Variants in CEP350 observed in about 807,000 individuals in gnomAD.
CEP350 encodes centrosome-associated protein 350.
A neutral mutation model predicts 331.8 loss-of-function variants in CEP350; 126 were observed. That is an observed-to-expected ratio of 0.38 (90% CI 0.33 to 0.44). The LOEUF is 0.44. Ranked by LOEUF, CEP350 falls within the 20% of genes least tolerant of loss-of-function variation. The pLI is 1.00. For missense variants in CEP350, 3,406 were observed against 3,634.6 expected, an observed-to-expected ratio of 0.94 and a Z score of 1.62; for synonymous variants, 1,200 against 1,259.5, an observed-to-expected ratio of 0.95 and a Z score of 1.00.
At chr1:180,025,086 A>G in intron 14 of CEP350, among the ~76,000 whole-genome samples, 1 of 151,952 alleles carries the variant, frequency 6.6e-6, no homozygotes, top group Non-Finnish European at 1.5e-5. Flanking sequence ...CACCGCACCC[A>G]GCTAATTTTT....
At chr1:179,987,840 T>G (rs1349900733) in intron 3 of CEP350, among the ~76,000 whole-genome samples, 1 of 151,900 alleles carries the variant, frequency 6.6e-6, no homozygotes, top group East Asian at 1.9e-4. Flanking sequence ...GCAGGAGGAT[T>G]GCTTGAGCCC....
chr1:180,082,070 G>A (rs1659605073), intron 30 of CEP350, among the ~76,000 whole-genome samples: 1 of 152,076 alleles, frequency 6.6e-6, no homozygotes, highest in Non-Finnish European at 1.5e-5. Context: ...TTACTTACCG[G>A]TGACTTTCTT....
chr1:180,079,149 T>G (rs967922799), intron 29 of CEP350, among the ~76,000 whole-genome samples: 1 of 151,972 alleles, frequency 6.6e-6, no homozygotes, highest in African/African-American at 2.4e-5. Context: ...ACTAAGATTT[T>G]CTACATTGTC....
rs1476223957 is a variant in CEP350, at chr1:180,090,756, A to G, written c.6468A>G (p.Glu2156=). 5.2e-6 allele frequency: 8 copies of G among 1,553,150 alleles called. No individual in the cohort carries two copies. The highest frequency in any genetic ancestry group is 7.0e-6 in the Non-Finnish European group (8 of 1,147,514). Residue 2156 remains glutamate (E), a synonymous_variant, in exon 33 of 38, where the codon GAA becomes GAG. Transcript: ENST00000367607. The part of the protein sequence containing the change: ...AKNWKSLTES[E]RSRGSLESIA... Reference sequence around the variant, plus strand: ...ATTGGAAATCACTAACAGAGTCAGAACGTTCCAGAGGATCCCTGGAGTCTA... The same window carrying G: ...ATTGGAAATCACTAACAGAGTCAGAGCGTTCCAGAGGATCCCTGGAGTCTA...
chr1:180,013,747 G>A, intron 9 of CEP350, 100 bp from the exon 10 acceptor site: 1 of 1,099,022 alleles, frequency 9.1e-7, no homozygotes, highest in Non-Finnish European at 1.3e-6. Context: ...TTGAGTTTAA[G>A]TAAGATAAAA....
Position 180,111,437 on chromosome 1 carries a change from G to A in CEP350, c.*276G>A. 1 of 265,862 alleles carries A rather than the reference G, an allele frequency of 3.8e-6. No homozygotes were observed. Among genetic ancestry groups the A allele is most frequent in the South Asian group, 1.2e-4 (1 of 8,642 alleles). The allele number at this position is 265,862 out of a possible 1,614,324, so 16.5% of individuals were successfully genotyped here. A position where few individuals can be genotyped will look rare whatever the true frequency, so the allele number is the denominator to read the frequency against. On this transcript the variant is annotated 3_prime_UTR_variant, in exon 38 of 38. Coordinates refer to ENST00000367607, the MANE Select transcript of CEP350 (RefSeq NM_014810.5). Reference sequence around the variant, plus strand: ...GCTAACACCCCTACTAGGTCCCAGAGGGCCAGAAACACCTGACTTACCTCT... The same window carrying A: ...GCTAACACCCCTACTAGGTCCCAGAAGGCCAGAAACACCTGACTTACCTCT...
chr1:180,107,827 C>CAAAA (rs1394625466), intron 37 of CEP350, among the ~76,000 whole-genome samples: 2 of 111,302 alleles, frequency 1.8e-5, no homozygotes, highest in East Asian at 3.0e-4. Context: ...CCTCTGCTCC[C>CAAAA]AAAAAAACAA....
chr1:179,980,496 A>T (rs1273204494), intron 1 of CEP350, among the ~76,000 whole-genome samples: 2 of 151,938 alleles, frequency 1.3e-5, no homozygotes, highest in African/African-American at 4.8e-5. Context: ...AACAGGGACT[A>T]TTTGACTTCC....
intron 8 of CEP350, among the ~76,000 whole-genome samples, chr1:180,009,315 T>A (rs1189495020): frequency 2.0e-5 from 3 of 152,226 alleles, no homozygotes. Context: ...AGGCAATAAT[T>A]ACATTTTTAA....
chr1:180,009,646 G>A (rs981455992), intron 8 of CEP350, among the ~76,000 whole-genome samples: 3 of 152,144 alleles, frequency 2.0e-5, no homozygotes, highest in African/African-American at 7.2e-5. Flanking sequence ...TTACTATCCA[G>A]TGTATTCATG....
At chr1:179,982,819 T>A (rs1029450773) in intron 1 of CEP350, among the ~76,000 whole-genome samples, 3 of 152,158 alleles carry the variant, frequency 2.0e-5, no homozygotes, top group Non-Finnish European at 4.4e-5. Context: ...TGAGATGGAG[T>A]CTTGCTCTGT....
intron 17 of CEP350, among the ~76,000 whole-genome samples, chr1:180,040,027 AAT>A (rs1656652025): frequency 6.6e-6 from 1 of 151,740 alleles, no homozygotes; most frequent in Admixed American, 6.6e-5. Flanking sequence ...TTGATGCTAA[AAT>A]TTTTTTTTTT....
intron 9 of CEP350, among the ~76,000 whole-genome samples, chr1:180,012,593 T>C (rs1339463147): frequency 6.6e-6 from 1 of 152,216 alleles, no homozygotes; most frequent in African/African-American, 2.4e-5. Flanking sequence ...CTTGAGTGAG[T>C]GCTATTTCAA....
chr1:180,094,159 C>G lies in CEP350; in HGVS notation c.8054C>G (p.Thr2685Ser), dbSNP rs1660349743. 6.8e-6 allele frequency: 11 copies of G among 1,613,618 alleles called. No individual in the cohort carries two copies. The highest frequency in any genetic ancestry group is 9.3e-6 in the Non-Finnish European group (11 of 1,179,718). ...EKVSIAAEDD[T>S]LDNTFSEELE... ...GTTTCCATCGCTGCAGAAGATGACA[C>G]TTTAGACAATACCTTTTCCGAAGAA... Residue 2685 changes from threonine (T) to serine (S), a missense_variant, in exon 34 of 38, where the codon ACT becomes AGT. Thr to Ser is a moderately conservative substitution (Grantham distance 58). This residue lies in a region of CEP350 where 1,415 missense variants were observed against 1,512.3 expected (regional missense o/e 0.94). Coordinates refer to ENST00000367607, the MANE Select transcript of CEP350 (RefSeq NM_014810.5).
chr1:180,075,074 G>A lies in CEP350; in HGVS notation c.5620G>A (p.Glu1874Lys). 6.2e-7 allele frequency: 1 copy of A among 1,613,166 alleles called. No homozygotes were observed. Among genetic ancestry groups the A allele is most frequent in the Non-Finnish European group, 8.5e-7 (1 of 1,179,568 alleles). The change falls in exon 28 of 38, where the codon GAG (glutamate) becomes AAG (lysine). Residue 1874 changes from glutamate to lysine, a missense_variant. Around this residue, in one of 5 missense-constraint regions of CEP350, gnomAD observed 1,415 missense variants for 1,512.3 expected, o/e 0.94. Coordinates refer to ENST00000367607, the MANE Select transcript of CEP350 (RefSeq NM_014810.5). ...KLMQRRQHAEELLEWKRRLDA... is the reference protein window; with the variant it reads ...KLMQRRQHAEKLLEWKRRLDA... ...AATGCAACGGCGACAACATGCAGAGGAGCTCCTAGAGTGGAAGCGACGTTT... is the reference window on the plus strand; with the variant it reads ...AATGCAACGGCGACAACATGCAGAGAAGCTCCTAGAGTGGAAGCGACGTTT...
intron 37 of CEP350, among the ~76,000 whole-genome samples, chr1:180,105,016 A>G (rs1162325540): frequency 1.3e-5 from 2 of 152,082 alleles, no homozygotes; most frequent in Non-Finnish European, 2.9e-5. Context: ...TCCCTTTACA[A>G]TAAAACTCCT....
chr1:180,010,471 A>C (rs1260269464), intron 8 of CEP350, among the ~76,000 whole-genome samples: 1 of 150,686 alleles, frequency 6.6e-6, no homozygotes, highest in Non-Finnish European at 1.5e-5. Flanking sequence ...TGTAGGCAGA[A>C]TGATTTTATT....
chr1:180,007,858 G>GTGTGTGTA (rs1654365310), intron 8 of CEP350, among the ~76,000 whole-genome samples: 1 of 151,228 alleles, frequency 6.6e-6, no homozygotes, highest in South Asian at 2.1e-4. Context: ...GTGTGTGTGT[G>GTGTGTGTA]TGTGTGTGTG....
intron 4 of CEP350, 58 bp downstream of exon 4, chr1:179,990,679 C>A: frequency 2.1e-6 from 2 of 944,668 alleles, no homozygotes; most frequent in Admixed American, 2.4e-5. Context: ...TTTGACAAAA[C>A]AGACAGCTAG....
Sources: allele counts gnomAD v4.1 joint callset (sites outside exome capture counted in the v4.1 genomes callset), GRCh38; gene constraint gnomAD v4.1.1; regional missense constraint gnomAD v4.1.1; transcripts MANE v1.5; gene names NCBI Gene and HGNC (gene_info 2026-07-23, HGNC 2026-07-21).